Variants in DNAJC1 observed in about 807,000 individuals in gnomAD.
The protein encoded by DNAJC1 is dnaJ homolog subfamily C member 1.
In DNAJC1, 58 loss-of-function variants were observed where a neutral mutation model predicts 76.6. That is an observed-to-expected ratio of 0.76 (90% CI 0.61 to 0.94). DNAJC1 has a LOEUF of 0.94. DNAJC1 is among the 40% of genes least tolerant of loss of function. The probability of loss-of-function intolerance (pLI) is 0.00; values close to 1 mark genes in which losing one functional copy is unlikely to be tolerated. For missense variants in DNAJC1, 689 were observed against 677.3 expected (o/e 1.02, Z -0.19); for synonymous variants, 258 against 267.9 (o/e 0.96, Z 0.36).
intron 1 of DNAJC1, among the ~76,000 whole-genome samples, chr10:21,981,603 C>T (rs920694916): frequency 1.3e-5 from 2 of 152,108 alleles, no homozygotes; most frequent in Non-Finnish European, 2.9e-5. Flanking sequence ...TCAATTTCCT[C>T]ATTTGTAAAA....
intron 1 of DNAJC1, among the ~76,000 whole-genome samples, chr10:21,964,110 T>A (rs999823304): frequency 1.3e-5 from 2 of 151,628 alleles, no homozygotes. Context: ...GAAAAGAAAA[T>A]TTTTGAAAAG....
chr10:21,969,892 G>A (rs933539284), intron 1 of DNAJC1, among the ~76,000 whole-genome samples: 2 of 152,036 alleles, frequency 1.3e-5, no homozygotes, highest in Non-Finnish European at 2.9e-5. Context: ...GAAATGTGGT[G>A]ATTAACCCAT....
intron 1 of DNAJC1, among the ~76,000 whole-genome samples, chr10:21,998,148 T>C (rs980073502): frequency 1.3e-5 from 2 of 151,960 alleles, no homozygotes; most frequent in African/African-American, 4.8e-5. Context: ...CCCAACACTT[T>C]GGGAGGCCGA....
At chr10:21,893,609 A>T (rs929651464) in intron 7 of DNAJC1, among the ~76,000 whole-genome samples, 12 of 152,126 alleles carry the variant, frequency 7.9e-5, no homozygotes, top group African/African-American at 2.9e-4. Flanking sequence ...CCTGGGCCAC[A>T]GAGTGAGACT....
chr10:21,908,015 TAATATATATAAATATATA>T (rs1790787084), intron 6 of DNAJC1, among the ~76,000 whole-genome samples: 1 of 61,678 alleles, frequency 1.6e-5, no homozygotes, highest in Admixed American at 2.2e-4. Context: ...TTATATATAA[TAATATATATAAATATATA>T]ATATAATATA....
At chr10:21,973,205 A>G (rs1838007587) in intron 1 of DNAJC1, among the ~76,000 whole-genome samples, 1 of 152,176 alleles carries the variant, frequency 6.6e-6, no homozygotes, top group African/African-American at 2.4e-5. Context: ...GTTACTTCCA[A>G]TATTTGAACT....
At chr10:21,864,679 G>A (rs1430108028) in intron 8 of DNAJC1, among the ~76,000 whole-genome samples, 2 of 151,898 alleles carry the variant, frequency 1.3e-5, no homozygotes, top group African/African-American at 4.8e-5. Flanking sequence ...AAATCTTAGC[G>A]ACTTTGAGTT....
At chr10:21,981,483 T>C (rs1838157411) in intron 1 of DNAJC1, among the ~76,000 whole-genome samples, 1 of 152,128 alleles carries the variant, frequency 6.6e-6, no homozygotes, top group Non-Finnish European at 1.5e-5. Context: ...TAAGAATAGG[T>C]AACATTTAAA....
intron 3 of DNAJC1, among the ~76,000 whole-genome samples, chr10:21,927,209 T>G (rs1837142650): frequency 6.6e-6 from 1 of 152,174 alleles, no homozygotes; most frequent in African/African-American, 2.4e-5. Context: ...TGCCAGCCCT[T>G]GTTATAAAGT....
At chr10:21,782,263 C>T (rs750543599) in intron 9 of DNAJC1, among the ~76,000 whole-genome samples, 6 of 152,118 alleles carry the variant, frequency 3.9e-5, no homozygotes, top group African/African-American at 7.2e-5. Context: ...CTATAAACAC[C>T]GCTATGCAAA....
chr10:21,887,546 C>T (rs1456229994), intron 7 of DNAJC1, among the ~76,000 whole-genome samples: 2 of 152,042 alleles, frequency 1.3e-5, no homozygotes, highest in East Asian at 3.8e-4. Flanking sequence ...GGCACATAGA[C>T]CAATGGAACA....
chr10:21,940,776 G>A lies in DNAJC1; in HGVS notation c.223-11635C>T, dbSNP rs767550372. On this transcript the variant is annotated intron_variant, in intron 1 of 11. Transcript: ENST00000376980. ...GATATCTAATTACTGGGGGAATTGA[G>A]TTGGCAGGAACATCAGACCAACTAT... 7.6e-4 allele frequency among the ~76,000 whole-genome samples: 116 copies of A among 152,116 alleles called. 1 individual carries two copies. Among genetic ancestry groups the A allele is most frequent in the Admixed American group, 7.5e-3 (114 of 15,266 alleles).
intron 8 of DNAJC1, among the ~76,000 whole-genome samples, chr10:21,836,105 C>T (rs1000496216): frequency 4.6e-5 from 7 of 152,132 alleles, no homozygotes. Flanking sequence ...AAAGGGAAGC[C>T]CATCAGACTA....
intron 8 of DNAJC1, among the ~76,000 whole-genome samples, chr10:21,852,186 C>G (rs571527121): frequency 1.3e-5 from 2 of 150,714 alleles, no homozygotes; most frequent in South Asian, 4.2e-4. Flanking sequence ...AGTGGATGAC[C>G]ATCAAAATAT....
intron 1 of DNAJC1, among the ~76,000 whole-genome samples, chr10:21,967,845 A>G (rs972960711): frequency 1.3e-5 from 2 of 152,194 alleles, no homozygotes; most frequent in Non-Finnish European, 2.9e-5. Flanking sequence ...TTAAGGCAAA[A>G]CACAAAGGTG....
intron 1 of DNAJC1, among the ~76,000 whole-genome samples, chr10:21,954,449 A>T (rs1034671871): frequency 6.6e-6 from 1 of 152,210 alleles, no homozygotes; most frequent in Non-Finnish European, 1.5e-5. Flanking sequence ...CTAGGAGAAA[A>T]GGCCAATGAA....
chr10:21,758,309 T>C (rs1204128250), intron 11 of DNAJC1, among the ~76,000 whole-genome samples: 1 of 152,226 alleles, frequency 6.6e-6, no homozygotes, highest in East Asian at 1.9e-4. Context: ...TCACTGTTCC[T>C]GGTTCCTCGA....
intron 8 of DNAJC1, among the ~76,000 whole-genome samples, chr10:21,879,376 CACTTTA>C (rs1836235325): frequency 2.0e-5 from 3 of 152,192 alleles, no homozygotes; most frequent in African/African-American, 7.2e-5. Context: ...ATAATCCCAG[CACTTTA>C]GGAGGCTGAG....
At chr10:21,949,663 C>G (rs772010796) in intron 1 of DNAJC1, among the ~76,000 whole-genome samples, 2 of 151,592 alleles carry the variant, frequency 1.3e-5, no homozygotes, top group Admixed American at 1.3e-4. Flanking sequence ...GTGATCTGCC[C>G]GCCTTGGCCT....
Sources: allele counts gnomAD v4.1 joint callset (sites outside exome capture counted in the v4.1 genomes callset), GRCh38; gene constraint gnomAD v4.1.1; transcripts MANE v1.5; gene names NCBI Gene and HGNC (gene_info 2026-07-23, HGNC 2026-07-21).